Variants in ARFGAP2 observed in about 807,000 individuals in gnomAD.
ARFGAP2 encodes the protein ARF GTPase activating protein 2.
In ARFGAP2, 45 loss-of-function variants were observed where a neutral mutation model predicts 71.9. The observed-to-expected ratio is 0.63, with a 90% CI of 0.49 to 0.80. ARFGAP2 has a LOEUF of 0.80. Among genes scored for constraint, ARFGAP2 ranks in the 30% least tolerant of loss-of-function variants. The pLI is 0.00. For missense variants in ARFGAP2, 633 were observed against 673.9 expected (o/e 0.94, Z 0.67); for synonymous variants, 248 against 249.2 (o/e 1.00, Z 0.05).
At position 47,167,958 on chromosome 11, in the gene ARFGAP2, C is replaced by T; in HGVS notation, c.1156G>A (p.Glu386Lys). 2 of 1,613,958 alleles carry T rather than the reference C, an allele frequency of 1.2e-6. No individual in the cohort carries two copies. Among genetic ancestry groups the T allele is most frequent in the South Asian group, 1.1e-5 (1 of 91,072 alleles). ...DAAWGMDRVEEKEPEVTISSI... is the reference protein window; with the variant it reads ...DAAWGMDRVEKKEPEVTISSI... ...GAGATGGTCACTTCTGGCTCCTTCT[C>T]CTCTACCCTGTCCATACCCCAGGCA... Residue 386 changes from glutamate (E) to lysine (K), a missense_variant, in exon 12 of 16, where the codon GAG becomes AAG. Physicochemically the swap from Glu to Lys is moderately conservative, Grantham distance 56. Transcript: ENST00000524782.
At position 47,166,249 on chromosome 11, in the gene ARFGAP2, G is replaced by A. The variant is rs747284502; in HGVS notation, c.1545+19C>T. The A allele has an allele frequency of 6.2e-7, 1 of 1,612,302 alleles. No individual in the cohort carries two copies. Among genetic ancestry groups the A allele is most frequent in the South Asian group, 1.1e-5 (1 of 91,006 alleles). ...GCAAACCTCCCAGCACTCCTCATTA[G>A]GCCCCACTTCAGCCTCACCTGCAAG... On this transcript the variant is annotated intron_variant, in intron 15 of 15. Transcript: ENST00000524782.
chr11:47,173,998 T>C, intron 5 of ARFGAP2, 158 bp from the exon 6 acceptor site: 1 of 1,409,516 alleles, frequency 7.1e-7, no homozygotes, highest in Non-Finnish European at 9.6e-7. Flanking sequence ...CTATTCACTG[T>C]GGAAGAAAGC....
chr11:47,166,207 C>G, intron 15 of ARFGAP2, 61 bp downstream of exon 15: 1 of 1,542,400 alleles, frequency 6.5e-7, no homozygotes, highest in South Asian at 1.1e-5. Flanking sequence ...AGCAGTGTCT[C>G]TATGTGGTGG....
At position 47,175,940 on chromosome 11, in the gene ARFGAP2, C is replaced by G; in HGVS notation, c.192-17G>C. On this transcript the variant is annotated splice_polypyrimidine_tract_variant and intron_variant, in intron 2 of 15. Transcript: ENST00000524782. ...TCTGTGGACCTGTGTACAAGGGCTGCGTCTCACCCACTAGCAGATACCAGC... is the reference window on the plus strand; with the variant it reads ...TCTGTGGACCTGTGTACAAGGGCTGGGTCTCACCCACTAGCAGATACCAGC... The G allele has an allele frequency of 6.2e-7, 1 of 1,613,432 alleles. No individual in the cohort carries two copies. Among genetic ancestry groups the G allele is most frequent in the Admixed American group, 1.7e-5 (1 of 59,936 alleles).
chr11:47,169,066 C>A (rs933046218), intron 10 of ARFGAP2, among the ~76,000 whole-genome samples: 3 of 151,262 alleles, frequency 2.0e-5, no homozygotes, highest in Non-Finnish European at 4.4e-5. Context: ...GTAATTCCAG[C>A]ACTTTGGGAG....
At chr11:47,175,421 G>T in intron 3 of ARFGAP2, 108 bp from the exon 4 acceptor site, 1 of 1,520,380 alleles carries the variant, frequency 6.6e-7, no homozygotes, top group Non-Finnish European at 9.1e-7. Context: ...TATCTATACA[G>T]GATGATACAC....
At position 47,168,054 on chromosome 11, in the gene ARFGAP2, A is replaced by G. The variant is rs746899272; in HGVS notation, c.1071-11T>C. The G allele has an allele frequency of 1.6e-5, 26 of 1,614,076 alleles. 1 individual carries two copies. Among genetic ancestry groups the G allele is most frequent in the Middle Eastern group, 1.6e-4 (1 of 6,084 alleles). ...GGATTGTCCTTGTACCTAGGGAGAC[A>G]GTAGAGTGGCTCAGAGAAGCCTGAT... On this transcript the variant is annotated splice_polypyrimidine_tract_variant and intron_variant, in intron 11 of 15. Coordinates refer to ENST00000524782, the MANE Select transcript of ARFGAP2 (RefSeq NM_032389.6).
rs1315272109 is a variant in ARFGAP2 at position 47,175,328 on chromosome 11, A to G, written c.265-15T>C. On this transcript the variant is annotated splice_polypyrimidine_tract_variant and intron_variant, in intron 3 of 15. Transcript: ENST00000524782. The stretch of plus-strand genomic sequence containing the variant: ...AAAAAAGCCGTCTGGAGAGCAAAGA[A>G]GAGAGCAGCGCGTGCTACGGGTGAT... 2.5e-6 allele frequency: 4 copies of G among 1,613,960 alleles called. No individual in the cohort carries two copies. In the East Asian group the frequency reaches 8.9e-5, roughly 36 times the overall value.
Position 47,165,473 on chromosome 11 carries a change from G to C in ARFGAP2, c.*9C>G, listed in dbSNP as rs762235485. The C allele has an allele frequency of 1.3e-6, 2 of 1,569,832 alleles. No homozygotes were observed. The highest frequency in any genetic ancestry group is 2.3e-5 in the South Asian group (2 of 85,530). On this transcript the variant is annotated 3_prime_UTR_variant, in exon 16 of 16. Coordinates refer to ENST00000524782, the MANE Select transcript of ARFGAP2 (RefSeq NM_032389.6). ...GTCACCATCGTAAGCCTGAGTCACA[G>C]AGCTCGGATCAGTAGGAACCGTAGC...
rs1434539666 is a variant in ARFGAP2 at position 47,166,583 on chromosome 11, C to T, written c.1349G>A (p.Arg450Gln). 1.9e-6 allele frequency: 3 copies of T among 1,612,156 alleles called. No individual in the cohort carries two copies. Among genetic ancestry groups the T allele is most frequent in the Admixed American group, 1.7e-5 (1 of 60,024 alleles). ...ACTGCTGCCTGAGAGCTGCTGCAGC[C>T]GAGACCTGGCCTCATACTGTGGTGA... ...EVDAEYEARS[R>Q]LQQLSGSSAI... Residue 450 changes from arginine to glutamine, a missense_variant, in exon 14 of 16, where the codon CGG (arginine) becomes CAG (glutamine). Arg to Gln is a conservative substitution (Grantham distance 43). Transcript: ENST00000524782.
At position 47,165,648 on chromosome 11, in the gene ARFGAP2, G is replaced by T. The variant is rs527947737; in HGVS notation, c.1546-146C>A. ...ACAGCCCGGTGAGGCAGGAGTCCAC[G>T]GTGAGAGCTGGGGCAGCGGCCACTC... On this transcript the variant is annotated intron_variant, in intron 15 of 15. Coordinates refer to ENST00000524782, the MANE Select transcript of ARFGAP2 (RefSeq NM_032389.6). 2.4e-4 allele frequency: 206 copies of T among 851,688 alleles called. 1 individual carries two copies. The African/African-American group carries it at 3.5e-3, about 14-fold the overall frequency. 52.8% of individuals were successfully genotyped at this position (851,688 alleles called of 1,614,324 possible).
intron 8 of ARFGAP2, 115 bp from the exon 9 acceptor site, chr11:47,171,915 A>AGGCCGGGCGCGGTGGCTCACGCCTGT: frequency 6.9e-7 from 1 of 1,442,360 alleles, no homozygotes; most frequent in Non-Finnish European, 9.3e-7. Flanking sequence ...AATTTAGGGT[A>AGGCCGGGCGCGGTGGCTCACGCCTGT]AAAAACAGGA....
At chr11:47,176,690 CCGACACCCCAGAAA>C (rs1389370117) in intron 1 of ARFGAP2, 56 bp from the exon 2 acceptor site, 62 of 1,611,026 alleles carry the variant, frequency 3.8e-5, no homozygotes, top group Non-Finnish European at 5.3e-5. Context: ...AGGCCAGGCA[CCGACACCCCAGAAA>C]CATAACCCAC....
intron 12 of ARFGAP2, 105 bp downstream of exon 12, chr11:47,167,804 C>T (rs1256551886): frequency 7.4e-7 from 1 of 1,352,704 alleles, no homozygotes; most frequent in Non-Finnish European, 9.9e-7. Flanking sequence ...AGAACATTCC[C>T]ATCAACACAG....
intron 10 of ARFGAP2, among the ~76,000 whole-genome samples, 192 bp downstream of exon 10, chr11:47,171,234 A>G (rs568313771): frequency 6.6e-6 from 1 of 152,364 alleles, no homozygotes; most frequent in Admixed American, 6.5e-5. Flanking sequence ...ATACCTATTC[A>G]GTCATTCAAC....
Position 47,165,345 on chromosome 11 carries a change from A to G in ARFGAP2, c.*137T>C. The G allele has an allele frequency of 8.3e-7, 1 of 1,198,600 alleles. No homozygotes were observed. The highest frequency in any genetic ancestry group is 1.7e-5 in the South Asian group (1 of 58,262). 74.2% of individuals were successfully genotyped at this position (1,198,600 alleles called of 1,614,324 possible). A position where few individuals can be genotyped will look rare whatever the true frequency, so the allele number is the denominator to read the frequency against. ...TCCCCTCACAGGAGTGAGCGCCTCA[A>G]AGGCCACCCCACACACACACCACAC... is the stretch of plus-strand genomic sequence containing the variant. On this transcript the variant is annotated 3_prime_UTR_variant, in exon 16 of 16. Coordinates refer to ENST00000524782, the MANE Select transcript of ARFGAP2 (RefSeq NM_032389.6).
At position 47,168,170 on chromosome 11, in the gene ARFGAP2, C is replaced by G. The variant is rs754848729; in HGVS notation, c.1023G>C (p.Gln341His). Residue 341 changes from glutamine to histidine, a missense_variant, in exon 11 of 16, where the codon CAG (glutamine) becomes CAC (histidine). By Grantham distance (24) the Gln-to-His change is conservative (BLOSUM62 0). Coordinates refer to ENST00000524782, the MANE Select transcript of ARFGAP2 (RefSeq NM_032389.6). ...TACCAACATCGTCAAACAAGTCCAG[C>G]TGCGAGCGAGAGGATTTTGCACTCA... ...TPVSAKSSRSQLDLFDDVGTF... is the reference protein window; with the variant it reads ...TPVSAKSSRSHLDLFDDVGTF... The G allele has an allele frequency of 1.2e-6, 2 of 1,614,114 alleles. No homozygotes were observed.
chr11:47,165,780 G>A (rs1156347030), intron 15 of ARFGAP2, among the ~76,000 whole-genome samples: 2 of 152,184 alleles, frequency 1.3e-5, no homozygotes, highest in East Asian at 3.9e-4. Flanking sequence ...CAGACACAGA[G>A]GCATCTTGGA....
chr11:47,172,210 G>T, intron 8 of ARFGAP2, 71 bp downstream of exon 8: 1 of 1,483,726 alleles, frequency 6.7e-7, no homozygotes, highest in South Asian at 1.1e-5. Context: ...AAGTGGTAAG[G>T]TCAAGGAGTG....
Sources: gnomAD v4.1 joint callset for allele counts (sites outside exome capture counted in the v4.1 genomes callset) on GRCh38, gnomAD v4.1.1 for gene constraint, MANE v1.5 for transcripts, NCBI Gene and HGNC (gene_info 2026-07-23, HGNC 2026-07-21) for gene names.